The following SLC31A1 variants were observed in gnomAD, a reference collection of about 807,000 sequenced individuals.
The protein encoded by SLC31A1 is high affinity copper uptake protein 1.
SLC31A1 carries 5 observed loss-of-function variants against 17.2 expected under a neutral mutation model. The observed-to-expected ratio is 0.29, with a 90% CI of 0.15 to 0.61. SLC31A1 has a LOEUF of 0.61. Among genes scored for constraint, SLC31A1 ranks in the 20% least tolerant of loss-of-function variants. SLC31A1 has a pLI of 0.86. For missense variants in SLC31A1, 161 were observed against 241.4 expected (o/e 0.67, Z 2.21); for synonymous variants, 76 against 78.8 (o/e 0.96, Z 0.19).
intron 1 of SLC31A1, among the ~76,000 whole-genome samples, chr9:113,237,944 G>A (rs1831480151): frequency 6.6e-6 from 1 of 152,174 alleles, no homozygotes; most frequent in Non-Finnish European, 1.5e-5. Context: ...CTGTAAACAA[G>A]ATATGAATGC....
At chr9:113,253,687 G>A (rs1236601211) in intron 1 of SLC31A1, among the ~76,000 whole-genome samples, 1 of 151,128 alleles carries the variant, frequency 6.6e-6, no homozygotes, top group African/African-American at 2.4e-5. Flanking sequence ...CCGAGTAGCT[G>A]GGATTACAGG....
At chr9:113,236,369 T>C (rs1165414318) in intron 1 of SLC31A1, among the ~76,000 whole-genome samples, 1 of 151,852 alleles carries the variant, frequency 6.6e-6, no homozygotes, top group Non-Finnish European at 1.5e-5. Flanking sequence ...GTTTTTTGTT[T>C]GTTTGTTTTT....
At chr9:113,240,739 A>G (rs1438893933) in intron 1 of SLC31A1, among the ~76,000 whole-genome samples, 1 of 152,154 alleles carries the variant, frequency 6.6e-6, no homozygotes, top group Non-Finnish European at 1.5e-5. Context: ...AAACGCATAC[A>G]AATGTCAAAA....
chr9:113,256,057 A>C (rs1390862935), intron 1 of SLC31A1, 57 bp from the exon 2 acceptor site: 1 of 1,313,910 alleles, frequency 7.6e-7, no homozygotes, highest in African/African-American at 1.5e-5. Context: ...AAAATAAAAA[A>C]AAGAGATAAG....
intron 1 of SLC31A1, among the ~76,000 whole-genome samples, chr9:113,252,254 G>A (rs1236084262): frequency 6.6e-6 from 1 of 152,156 alleles, no homozygotes; most frequent in East Asian, 1.9e-4. Flanking sequence ...GGTTCATCAA[G>A]GAAATCATCA....
chr9:113,246,959 C>T (rs1292429688), intron 1 of SLC31A1, among the ~76,000 whole-genome samples: 1 of 152,150 alleles, frequency 6.6e-6, no homozygotes, highest in Non-Finnish European at 1.5e-5. Flanking sequence ...TTAAAATTCA[C>T]CTATAGGGGC....
At chr9:113,259,928 A>G (rs866487738) in intron 4 of SLC31A1, among the ~76,000 whole-genome samples, 19 of 152,134 alleles carry the variant, frequency 1.2e-4, no homozygotes, top group African/African-American at 4.1e-4. Flanking sequence ...CAAAGGTGGG[A>G]AGCCTAAAAA....
chr9:113,235,398 C>G (rs1400086144), intron 1 of SLC31A1, among the ~76,000 whole-genome samples: 1 of 152,102 alleles, frequency 6.6e-6, no homozygotes, highest in Non-Finnish European at 1.5e-5. Context: ...ATTAAAAACC[C>G]TGAAAACAGT....
At chr9:113,260,151 A>G (rs1369187846) in intron 4 of SLC31A1, 121 bp from the exon 5 acceptor site, 1 of 810,126 alleles carries the variant, frequency 1.2e-6, no homozygotes, top group Non-Finnish European at 2.2e-6. Context: ...TCAAGTACCC[A>G]TGAGTTGCCA....
At chr9:113,238,494 G>A (rs76366263) in intron 1 of SLC31A1, among the ~76,000 whole-genome samples, 1,720 of 152,314 alleles carry the variant, frequency 0.011, 33 homozygotes, top group African/African-American at 0.039. Context: ...GGGTGCGGTG[G>A]TTCACACCTT....
At chr9:113,221,906 C>T (rs1277434317) in intron 1 of SLC31A1, among the ~76,000 whole-genome samples, 2 of 152,212 alleles carry the variant, frequency 1.3e-5, no homozygotes, top group Non-Finnish European at 2.9e-5. Flanking sequence ...ATGCAACCGG[C>T]CATTTGTCCA....
At position 113,260,564 on chromosome 9, in the gene SLC31A1, C is replaced by T; in HGVS notation, c.*91C>T. ...TTCCTGCTCCAATCATCCCTTCTTG[C>T]TCCTCTTTGTGCACGTACACACACA... On this transcript the variant is annotated 3_prime_UTR_variant, in exon 5 of 5. Coordinates refer to ENST00000374212, the MANE Select transcript of SLC31A1 (RefSeq NM_001859.4). 1.1e-6 allele frequency: 1 copy of T among 946,174 alleles called. No homozygotes were observed. The highest frequency in any genetic ancestry group is 1.3e-5 in the South Asian group (1 of 74,414). 58.6% of individuals were successfully genotyped at this position (946,174 alleles called of 1,614,324 possible).
chr9:113,232,767 C>T (rs1831414992), intron 1 of SLC31A1, among the ~76,000 whole-genome samples: 1 of 151,886 alleles, frequency 6.6e-6, no homozygotes, highest in African/African-American at 2.4e-5. Context: ...TCACTTGAAC[C>T]CAGGAGGTGG....
chr9:113,231,524 A>G (rs1221227421), intron 1 of SLC31A1, among the ~76,000 whole-genome samples: 3 of 151,706 alleles, frequency 2.0e-5, no homozygotes, highest in African/African-American at 7.3e-5. Flanking sequence ...TAATCATGCT[A>G]CTGCACTCCA....
chr9:113,223,348 C>T, intron 1 of SLC31A1: 1 of 381,620 alleles, frequency 2.6e-6, no homozygotes. Flanking sequence ...AAAAAGAAAG[C>T]CACTGTCTTC....
At chr9:113,227,440 G>A (rs1004642587) in intron 1 of SLC31A1, 6 of 151,880 alleles carry the variant, frequency 4.0e-5, no homozygotes, top group African/African-American at 1.5e-4. Context: ...TTTTGATAGA[G>A]TCGGGGCTTT....
Position 113,248,798 on chromosome 9 carries a change from A to G in SLC31A1, c.-35-7316A>G, listed in dbSNP as rs1035123916. Among the ~76,000 whole-genome samples, 6 of 152,236 alleles carry G rather than the reference A, an allele frequency of 3.9e-5. No individual in the cohort carries two copies. In the South Asian group the frequency reaches 1.2e-3, roughly 32 times the overall value. ...GCAGGCTTGAAAGTAGTCTTGACGC[A>G]AATACTTTGTAGGAGAGAAGCTAAC... is the stretch of plus-strand genomic sequence containing the variant. On this transcript the variant is annotated intron_variant, in intron 1 of 4. Coordinates refer to ENST00000374212, the MANE Select transcript of SLC31A1 (RefSeq NM_001859.4).
rs541796452 is a variant in SLC31A1, at chr9:113,256,261, G to A, written c.113G>A (p.Ser38Asn). 5 of 1,613,986 alleles carry A rather than the reference G, an allele frequency of 3.1e-6. No individual in the cohort carries two copies. In the South Asian group the frequency reaches 4.4e-5, roughly 14 times the overall value. The change falls in exon 2 of 5, where the codon AGC becomes AAC. Residue 38 changes from serine (S) to asparagine (N), a missense_variant. Transcript: ENST00000374212. ...TCACACTCCCATGGTGGAGGAGACA[G>A]CAGCATGATGATGATGGTGAGTGCC... The part of the protein sequence containing the change: ...SASHSHGGGD[S>N]SMMMMPMTFY...
Position 113,258,570 on chromosome 9 carries a change from A to G in SLC31A1, c.203-124A>G. ...CCTATCTGAGCAAGAGAAGAGGTAAAAATATAATGTCTTCAAAAGCTGAGA... is the reference window on the plus strand; with the variant it reads ...CCTATCTGAGCAAGAGAAGAGGTAAGAATATAATGTCTTCAAAAGCTGAGA... On this transcript the variant is annotated intron_variant, in intron 3 of 4. Coordinates refer to ENST00000374212, the MANE Select transcript of SLC31A1 (RefSeq NM_001859.4). The surrounding 1 kb of genome is among the most constrained non-coding windows in gnomAD (Gnocchi z 4.8). The G allele has an allele frequency of 9.5e-7, 1 of 1,057,570 alleles. No homozygotes were observed. Among genetic ancestry groups the G allele is most frequent in the Non-Finnish European group, 1.5e-6 (1 of 685,780 alleles). The allele number at this position is 1,057,570 out of a possible 1,614,324, so 65.5% of individuals were successfully genotyped here. A position where few individuals can be genotyped will look rare whatever the true frequency, so the allele number is the denominator to read the frequency against.
Sources: gnomAD v4.1 joint callset for allele counts (sites outside exome capture counted in the v4.1 genomes callset) on GRCh38, gnomAD v4.1.1 for gene constraint, Gnocchi (gnomAD v3.1) non-coding constraint, MANE v1.5 for transcripts, NCBI Gene and HGNC (gene_info 2026-07-23, HGNC 2026-07-21) for gene names.